Variants in FBXL17 observed in about 807,000 individuals in gnomAD.
The protein encoded by FBXL17 is F-box/LRR-repeat protein 17.
In FBXL17, 22 loss-of-function variants were observed where a neutral mutation model predicts 66.2. That is an observed-to-expected ratio of 0.33 (90% CI 0.24 to 0.47). The LOEUF is 0.47. Among genes scored for constraint, FBXL17 ranks in the 20% least tolerant of loss-of-function variants. The pLI, the probability that FBXL17 is intolerant of heterozygous loss-of-function variation, is 1.00. For missense variants in FBXL17, 878 were observed against 948.2 expected (o/e 0.93, Z 0.97); for synonymous variants, 474 against 400.5 (o/e 1.18, Z -2.19).
chr5:107,934,999 T>C (rs569379558), intron 7 of FBXL17, among the ~76,000 whole-genome samples: 1 of 152,284 alleles, frequency 6.6e-6, no homozygotes, highest in South Asian at 2.1e-4. Flanking sequence ...AAATGAGTTG[T>C]TCTAAGGTTA....
intron 4 of FBXL17, chr5:108,299,416 A>G (rs1208127916): frequency 1.0e-6 from 1 of 964,988 alleles, no homozygotes; most frequent in Non-Finnish European, 1.2e-6. Flanking sequence ...CATTACACAA[A>G]TATGTACTAA....
intron 4 of FBXL17, among the ~76,000 whole-genome samples, chr5:108,234,753 G>T (rs897169194): frequency 2.0e-5 from 3 of 152,172 alleles, no homozygotes; most frequent in Admixed American, 6.5e-5. Context: ...GCATAGTAGA[G>T]AGTTAGGGGA....
intron 4 of FBXL17, among the ~76,000 whole-genome samples, chr5:108,335,357 CG>C (rs550452095): frequency 0.013 from 1,883 of 145,656 alleles, 17 homozygotes; most frequent in Non-Finnish European, 0.019. Flanking sequence ...AAAAAAAATA[CG>C]TTTTTTTTTT....
chr5:108,328,628 C>G (rs560960139), intron 4 of FBXL17, among the ~76,000 whole-genome samples: 1 of 152,120 alleles, frequency 6.6e-6, no homozygotes, highest in Non-Finnish European at 1.5e-5. Flanking sequence ...TGAAAATAAT[C>G]ACCAGAGGAA....
In FBXL17 at chr5:108,189,531, T is replaced by C. The variant is rs369628316; in HGVS notation, c.1615-3284A>G. The stretch of plus-strand genomic sequence containing the variant: ...AACACAGTGAGAAAATAAACAGGTA[T>C]GGTAGGCAAAATTCTAAGATGATCC... On this transcript the variant is annotated intron_variant, in intron 5 of 8. Coordinates refer to ENST00000542267, the MANE Select transcript of FBXL17 (RefSeq NM_001163315.3). 1.6e-4 allele frequency among the ~76,000 whole-genome samples: 25 copies of C among 152,190 alleles called. No individual in the cohort carries two copies. In the East Asian group the frequency reaches 4.8e-3, roughly 29 times the overall value.
In FBXL17 at chr5:108,168,745, AC is replaced by A. The variant is rs570269118; in HGVS notation, c.1745+17371del. 9.3e-4 allele frequency among the ~76,000 whole-genome samples: 142 copies of A among 152,202 alleles called. 1 individual carries two copies. In the Middle Eastern group the frequency reaches 0.024, roughly 26 times the overall value. On this transcript the variant is annotated intron_variant, in intron 6 of 8. Transcript: ENST00000542267. ...CTATTCCATGTTCTCTCCCATGCAT[AC>A]CCCCAAGAAAACCAGTGTGGATCAT... is the stretch of plus-strand genomic sequence containing the variant.
At chr5:107,996,507 G>T (rs1207194224) in intron 7 of FBXL17, among the ~76,000 whole-genome samples, 1 of 152,150 alleles carries the variant, frequency 6.6e-6, no homozygotes, top group African/African-American at 2.4e-5. Context: ...TAGAGACAAG[G>T]TTTTGCCACG....
intron 4 of FBXL17, among the ~76,000 whole-genome samples, chr5:108,259,935 TGGTA>T (rs982401550): frequency 1.3e-5 from 2 of 151,772 alleles, no homozygotes; most frequent in African/African-American, 4.8e-5. Flanking sequence ...CCTATCAGGA[TGGTA>T]AACTCTGTCC....
intron 6 of FBXL17, among the ~76,000 whole-genome samples, chr5:108,102,182 G>A (rs1749627562): frequency 6.6e-6 from 1 of 152,184 alleles, no homozygotes; most frequent in Non-Finnish European, 1.5e-5. Context: ...TCTGAATCTG[G>A]AGAGATACAG....
At chr5:108,357,904 G>T (rs1421287215) in intron 3 of FBXL17, among the ~76,000 whole-genome samples, 2 of 152,034 alleles carry the variant, frequency 1.3e-5, no homozygotes, top group Non-Finnish European at 2.9e-5. Flanking sequence ...AAATTTATGA[G>T]ATCCAGCAAA....
At chr5:108,203,940 G>A (rs1754004059) in intron 5 of FBXL17, among the ~76,000 whole-genome samples, 1 of 151,912 alleles carries the variant, frequency 6.6e-6, no homozygotes, top group South Asian at 2.1e-4. Flanking sequence ...CCAACCATAA[G>A]CACTTTTAAA....
intron 7 of FBXL17, among the ~76,000 whole-genome samples, chr5:107,893,133 G>A (rs938252426): frequency 6.6e-6 from 1 of 151,994 alleles, no homozygotes; most frequent in African/African-American, 2.4e-5. Flanking sequence ...CACAATCAAA[G>A]GAATGGGAGG....
In FBXL17 at chr5:107,860,298, A is replaced by C. The variant is rs527289598; in HGVS notation, c.*1422T>G. On this transcript the variant is annotated 3_prime_UTR_variant, in exon 9 of 9. Coordinates refer to ENST00000542267, the MANE Select transcript of FBXL17 (RefSeq NM_001163315.3). ...AGTTATATTCACTCAGGGAAAAATA[A>C]ATAGCAACTTCACAAGTTAGGGTTT... 1 of 152,760 alleles carries C rather than the reference A, an allele frequency of 6.5e-6. No individual in the cohort carries two copies. The highest frequency in any genetic ancestry group is 6.5e-5 in the Admixed American group (1 of 15,310). The allele number at this position is 152,760 out of a possible 1,614,324, so 9.5% of individuals were successfully genotyped here. A position where few individuals can be genotyped will look rare whatever the true frequency, so the allele number is the denominator to read the frequency against.
chr5:108,116,334 G>T (rs559135555), intron 6 of FBXL17, among the ~76,000 whole-genome samples: 1 of 151,742 alleles, frequency 6.6e-6, no homozygotes, highest in Non-Finnish European at 1.5e-5. Flanking sequence ...AATTCAAATC[G>T]GGCAATTAAA....
In FBXL17 at chr5:108,380,896, TGGGAGAAGA is replaced by T. The variant is rs1749820708; in HGVS notation, c.787_795del (p.Ser263_Pro265del). On this transcript the variant is annotated inframe_deletion, in exon 1 of 9. Coordinates refer to ENST00000542267, the MANE Select transcript of FBXL17 (RefSeq NM_001163315.3). ...GCTTCGGTGGGGGCACCTTCGGAGG[TGGGAGAAGA>T]GGGCGGAGGGCAGAGCGGCTGCGGG... 8.1e-7 allele frequency: 1 copy of T among 1,233,970 alleles called. No individual in the cohort carries two copies. The highest frequency in any genetic ancestry group is 3.2e-5 in the East Asian group (1 of 31,474). The allele number at this position is 1,233,970 out of a possible 1,614,324, so 76.4% of individuals were successfully genotyped here. A position where few individuals can be genotyped will look rare whatever the true frequency, so the allele number is the denominator to read the frequency against.
chr5:108,191,259 G>A (rs1753458971), intron 5 of FBXL17, among the ~76,000 whole-genome samples: 1 of 152,094 alleles, frequency 6.6e-6, no homozygotes, highest in Non-Finnish European at 1.5e-5. Flanking sequence ...CATATTTGGG[G>A]TTCTAGCACA....
intron 7 of FBXL17, among the ~76,000 whole-genome samples, chr5:107,954,997 T>A (rs1751615344): frequency 6.6e-6 from 1 of 152,114 alleles, no homozygotes; most frequent in South Asian, 2.1e-4. Flanking sequence ...ATGTTAAGAA[T>A]GGAATATGTA....
intron 6 of FBXL17, among the ~76,000 whole-genome samples, chr5:108,140,404 A>G (rs1311687771): frequency 1.3e-5 from 2 of 152,188 alleles, no homozygotes; most frequent in African/African-American, 4.8e-5. Context: ...CTAATGCTAA[A>G]TGCAAACTGC....
At chr5:107,953,394 C>T (rs1751563484) in intron 7 of FBXL17, among the ~76,000 whole-genome samples, 1 of 131,960 alleles carries the variant, frequency 7.6e-6, no homozygotes, top group Non-Finnish European at 1.6e-5. Context: ...CAGAGTGAGA[C>T]TCTCTCTCAA....
Sources: gnomAD v4.1 joint callset for allele counts (sites outside exome capture counted in the v4.1 genomes callset) on GRCh38, gnomAD v4.1.1 for gene constraint, MANE v1.5 for transcripts, NCBI Gene and HGNC (gene_info 2026-07-23, HGNC 2026-07-21) for gene names.